Variants in CLCNKB observed in about 807,000 individuals in gnomAD.
CLCNKB encodes chloride voltage-gated channel Kb.
In CLCNKB, 74 loss-of-function variants were observed where a neutral mutation model predicts 83.8. The observed-to-expected ratio is 0.88, with a 90% confidence interval of 0.73 to 1.07. CLCNKB has a LOEUF of 1.07. CLCNKB is among the 50% of genes least tolerant of loss of function. The pLI is 0.00. For synonymous variants in CLCNKB, 358 were observed against 356.6 expected (o/e 1.00, Z -0.04); for missense variants, 798 against 893.6 (o/e 0.89, Z 1.36).
intron 1 of CLCNKB, 60 bp downstream of exon 1, chr1:16,043,940 G>A (rs559973284): frequency 2.1e-5 from 3 of 146,076 alleles, no homozygotes; most frequent in Admixed American, 6.7e-5. Context: ...GGCGGGGGGG[G>A]GGGGGTGGTA....
At chr1:16,044,731 G>A (rs1281398247) in intron 2 of CLCNKB, 139 bp downstream of exon 2, 10 of 737,768 alleles carry the variant, frequency 1.4e-5, no homozygotes, top group East Asian at 2.7e-5. Context: ...AAAGTCTCCT[G>A]GGTGGCAGGG....
rs764275060 is a variant in CLCNKB at position 16,045,655 on chromosome 1, C to T, written c.198C>T (p.Ala66=). 14 of 1,613,868 alleles carry T rather than the reference C, an allele frequency of 8.7e-6. No homozygotes were observed. In the East Asian group the frequency reaches 3.1e-4, roughly 36 times the overall value. ...TGCTCATGGCCCTGGTCAGCTGTGC[C>T]ATGGACTTGGCTGTTGAGAGTGTGG... ...LGVLMALVSC[A]MDLAVESVVR... The change falls in exon 3 of 20, where the codon GCC becomes GCT. Residue 66 remains alanine (A), a synonymous_variant. Coordinates refer to ENST00000375679, the MANE Select transcript of CLCNKB (RefSeq NM_000085.5).
intron 5 of CLCNKB, 79 bp from the exon 6 acceptor site, chr1:16,048,264 G>T (rs1192853279): frequency 1.3e-6 from 2 of 1,564,316 alleles, no homozygotes; most frequent in East Asian, 4.5e-5. Context: ...GGGGGTGTTG[G>T]GGGGAAGCCG....
At chr1:16,054,119 C>G (rs1183309951) in intron 16 of CLCNKB, among the ~76,000 whole-genome samples, 5 of 152,168 alleles carry the variant, frequency 3.3e-5, no homozygotes, top group Non-Finnish European at 7.3e-5. Flanking sequence ...TCCCCTCCTC[C>G]AAATCCTTGT....
rs925938969 is a variant in CLCNKB, at chr1:16,051,778, G to A, written c.1366G>A (p.Gly456Arg). Reference sequence around the variant, plus strand: ...CTTCCCTGAGGGCATCGTGGCTGGAGGGATCACCAATCCCATCATGCCAGG... The same window carrying A: ...CTTCCCTGAGGGCATCGTGGCTGGAAGGATCACCAATCCCATCATGCCAGG... The part of the protein sequence containing the change: ...FIFPEGIVAG[G>R]ITNPIMPGGY... Residue 456 changes from glycine to arginine, a missense_variant, in exon 14 of 20, where the codon GGG (glycine) becomes AGG (arginine). Coordinates refer to ENST00000375679, the MANE Select transcript of CLCNKB (RefSeq NM_000085.5). 3 of 1,613,944 alleles carry A rather than the reference G, an allele frequency of 1.9e-6. No individual in the cohort carries two copies. Among genetic ancestry groups the A allele is most frequent in the Non-Finnish European group, 1.7e-6 (2 of 1,179,974 alleles).
intron 7 of CLCNKB, 188 bp from the exon 8 acceptor site, chr1:16,048,932 A>T (rs749637923): frequency 1.5e-5 from 22 of 1,469,622 alleles, no homozygotes; most frequent in Non-Finnish European, 1.9e-5. Flanking sequence ...TCCAGGCTGG[A>T]CGGGTCTCTG....
chr1:16,054,575 G>A (rs1295932926), intron 16 of CLCNKB, among the ~76,000 whole-genome samples: 1 of 152,154 alleles, frequency 6.6e-6, no homozygotes, highest in Non-Finnish European at 1.5e-5. Context: ...ATTGCCAGAC[G>A]TTCTCACTCC....
intron 11 of CLCNKB, 86 bp downstream of exon 11, chr1:16,050,686 C>A (rs1251019456): frequency 1.3e-6 from 2 of 1,506,360 alleles, no homozygotes; most frequent in South Asian, 1.1e-5. Context: ...CCCCCCAATA[C>A]CCCATAAGGG....
intron 5 of CLCNKB, 128 bp from the exon 6 acceptor site, chr1:16,048,215 C>A: frequency 6.9e-7 from 1 of 1,452,180 alleles, no homozygotes; most frequent in Non-Finnish European, 9.5e-7. Flanking sequence ...GTGACAAAAG[C>A]CATCTGAGGA....
chr1:16,048,380 A>G lies in CLCNKB; in HGVS notation c.536A>G (p.Tyr179Cys). Residue 179 changes from tyrosine to cysteine, a missense_variant, in exon 6 of 20, where the codon TAC (tyrosine) becomes TGC (cysteine). Physicochemically the swap from Tyr to Cys is radical, Grantham distance 194. Transcript: ENST00000375679. ...FVHLSVMMAA[Y>C]LGRVRTTTIG... ...CACCTGTCTGTGATGATGGCTGCCT[A>G]CCTGGGCCGTGTGCGCACCACGACC... The G allele has an allele frequency of 6.2e-7, 1 of 1,613,712 alleles. No homozygotes were observed. Among genetic ancestry groups the G allele is most frequent in the Non-Finnish European group, 8.5e-7 (1 of 1,179,948 alleles).
At chr1:16,045,987 C>T (rs1258723254) in intron 3 of CLCNKB, among the ~76,000 whole-genome samples, 1 of 152,198 alleles carries the variant, frequency 6.6e-6, no homozygotes, top group African/African-American at 2.4e-5. Flanking sequence ...TCCTCCATGC[C>T]CTGGGGCAGA....
At chr1:16,045,447 G>C in intron 2 of CLCNKB, 111 bp from the exon 3 acceptor site, 1 of 1,341,470 alleles carries the variant, frequency 7.5e-7, no homozygotes, top group Non-Finnish European at 1.0e-6. Context: ...ATACCACCAA[G>C]CTCCATCCCC....
intron 5 of CLCNKB, 41 bp from the exon 6 acceptor site, chr1:16,048,302 C>G: frequency 4.4e-6 from 7 of 1,608,132 alleles, no homozygotes; most frequent in Non-Finnish European, 6.0e-6. Flanking sequence ...ACCGTCTCTG[C>G]TGCCCTCACC....
Position 16,049,697 on chromosome 1 carries a change from G to A in CLCNKB, c.861G>A (p.Ala287=). 1.2e-6 allele frequency: 2 copies of A among 1,608,446 alleles called. No individual in the cohort carries two copies. The highest frequency in any genetic ancestry group is 1.7e-6 in the Non-Finnish European group (2 of 1,175,530). Residue 287 remains alanine (A), a synonymous_variant, in exon 9 of 20, where the codon GCG becomes GCA. Transcript: ENST00000375679. ...FDLPEIFFFV[A]LGGLCGILGS... ...TGCCTGAGATCTTCTTTTTTGTGGCGCTGGGGTGAGTGGGTGCCTTGGGCC... is the reference window on the plus strand; with the variant it reads ...TGCCTGAGATCTTCTTTTTTGTGGCACTGGGGTGAGTGGGTGCCTTGGGCC...
intron 15 of CLCNKB, among the ~76,000 whole-genome samples, chr1:16,052,679 G>C (rs1056323381): frequency 6.6e-6 from 1 of 152,164 alleles, no homozygotes; most frequent in Non-Finnish European, 1.5e-5. Context: ...TGAGGAAACC[G>C]GGGCTCAGAG....
In CLCNKB at chr1:16,049,800, C is replaced by T; in HGVS notation, c.867-15C>T. On this transcript the variant is annotated splice_polypyrimidine_tract_variant and intron_variant, in intron 9 of 19. Coordinates refer to ENST00000375679, the MANE Select transcript of CLCNKB (RefSeq NM_000085.5). ...CTGGGGTCGGGCTCTGGGCTCATGT[C>T]TCCATGCTCCCCAGGGGTCTCTGTG... 1.2e-6 allele frequency: 2 copies of T among 1,613,834 alleles called. No homozygotes were observed. Among genetic ancestry groups the T allele is most frequent in the East Asian group, 4.5e-5 (2 of 44,854 alleles).
chr1:16,046,156 G>A (rs1185531752), intron 3 of CLCNKB, among the ~76,000 whole-genome samples: 2 of 152,228 alleles, frequency 1.3e-5, no homozygotes, highest in African/African-American at 4.8e-5. Context: ...GCCAGAAGCA[G>A]CACCTACTAT....
chr1:16,045,782 G>GC (rs1396150516), intron 3 of CLCNKB, 96 bp downstream of exon 3: 1 of 1,285,500 alleles, frequency 7.8e-7, no homozygotes, highest in Admixed American at 2.0e-5. Flanking sequence ...CGGAGGTTGG[G>GC]GGGGGTGCTC....
At position 16,056,469 on chromosome 1, in the gene CLCNKB, G is replaced by A. The variant is rs149062984; in HGVS notation, c.1977G>A (p.Thr659=). 1.1e-5 allele frequency: 18 copies of A among 1,613,818 alleles called. No individual in the cohort carries two copies. Among genetic ancestry groups the A allele is most frequent in the Non-Finnish European group, 1.4e-5 (16 of 1,179,974 alleles). ...ELLNLHSLFV[T]SRGRAVGCVS... is the part of the protein sequence containing the mutation. ...TGAACCTTCATTCCCTCTTTGTGAC[G>A]TCGCGGGGCAGAGCTGTGGGCTGCG... Residue 659 remains threonine (T), a synonymous_variant, in exon 19 of 20, where the codon ACG becomes ACA. Transcript: ENST00000375679.
Sources: gnomAD v4.1 joint callset for allele counts (sites outside exome capture counted in the v4.1 genomes callset) on GRCh38, gnomAD v4.1.1 for gene constraint, MANE v1.5 for transcripts, NCBI Gene and HGNC (gene_info 2026-07-23, HGNC 2026-07-21) for gene names.